The following MEI4 variants were observed in gnomAD, a reference collection of about 807,000 sequenced individuals.
MEI4 encodes meiotic double-stranded break formation protein 4.
In MEI4, 27 loss-of-function variants were observed where a neutral mutation model predicts 31.4. The ratio of observed to expected loss-of-function variants is 0.86; its 90% CI spans 0.63 to 1.19. MEI4 has a LOEUF of 1.19. MEI4 is among the 50% of genes most tolerant of loss of function. MEI4 has a pLI of 0.00. For synonymous variants in MEI4, 122 were observed against 145.4 expected, an observed-to-expected ratio of 0.84 and a Z score of 1.16; for missense variants, 329 against 398.9, an observed-to-expected ratio of 0.82 and a Z score of 1.49.
In MEI4 at chr6:77,922,815, C is replaced by G. The variant is rs376766954; in HGVS notation, c.901-274C>G. Among the ~76,000 whole-genome samples, 5 of 151,668 alleles carry G rather than the reference C, an allele frequency of 3.3e-5. No individual in the cohort carries two copies. The East Asian group carries it at 7.8e-4, about 24-fold the overall frequency. ...CTGTTAAGACCCCTTGCCAAGTATT[C>G]TCAGATTCATTTGAGTATTCTCTGC... On this transcript the variant is annotated intron_variant, in intron 4 of 4. Coordinates refer to ENST00000684080, the MANE Select transcript of MEI4 (RefSeq NM_001322247.2).
intron 1 of MEI4, among the ~76,000 whole-genome samples, chr6:77,661,815 A>T (rs1768515940): frequency 6.6e-6 from 1 of 151,826 alleles, no homozygotes; most frequent in Non-Finnish European, 1.5e-5. Context: ...GAAGTTTCAG[A>T]GGGGGAGTAG....
intron 2 of MEI4, among the ~76,000 whole-genome samples, chr6:77,699,047 C>T (rs1018819848): frequency 4.6e-5 from 7 of 152,076 alleles, no homozygotes; most frequent in Non-Finnish European, 1.0e-4. Context: ...CCCTTTCTTC[C>T]AGTTGATCGC....
intron 3 of MEI4, among the ~76,000 whole-genome samples, chr6:77,803,111 A>G (rs568736413): frequency 4.1e-4 from 63 of 152,282 alleles, no homozygotes; most frequent in African/African-American, 1.5e-3. Context: ...AGGTACACCA[A>G]TCAGTTGTAG....
intron 3 of MEI4, among the ~76,000 whole-genome samples, chr6:77,824,432 A>G (rs1052919973): frequency 2.0e-5 from 3 of 152,188 alleles, no homozygotes; most frequent in African/African-American, 4.8e-5. Context: ...TCTTTAAAGT[A>G]TGGGTCCCTA....
chr6:77,774,905 G>T (rs1390254220), intron 3 of MEI4, among the ~76,000 whole-genome samples: 1 of 152,014 alleles, frequency 6.6e-6, no homozygotes, highest in Non-Finnish European at 1.5e-5. Flanking sequence ...CTGAGGCCAG[G>T]ATTCTTAAAT....
rs750320051 is a variant in MEI4, at chr6:77,855,514, A to C, written c.900+26452A>C. ...TAGTGCCTTAATGAGTATGCTTGGAAGATTATTAAAATAGACAAAGTAAAA... is the reference window on the plus strand; with the variant it reads ...TAGTGCCTTAATGAGTATGCTTGGACGATTATTAAAATAGACAAAGTAAAA... On this transcript the variant is annotated intron_variant, in intron 4 of 4. Coordinates refer to ENST00000684080, the MANE Select transcript of MEI4 (RefSeq NM_001322247.2). 5.1e-4 allele frequency among the ~76,000 whole-genome samples: 77 copies of C among 152,206 alleles called. 1 individual carries two copies. Among genetic ancestry groups the C allele is most frequent in the Non-Finnish European group, 9.3e-4 (63 of 68,030 alleles).
chr6:77,671,959 A>G (rs545846294), intron 1 of MEI4, among the ~76,000 whole-genome samples: 4 of 152,302 alleles, frequency 2.6e-5, no homozygotes, highest in African/African-American at 9.6e-5. Flanking sequence ...TGTGAAGTTA[A>G]GATTACTGGG....
intron 3 of MEI4, among the ~76,000 whole-genome samples, chr6:77,821,035 T>A (rs1000683474): frequency 1.3e-5 from 2 of 152,122 alleles, no homozygotes; most frequent in Non-Finnish European, 2.9e-5. Context: ...TATGGATGAT[T>A]TCTCTATGTA....
chr6:77,785,199 G>T (rs1024634906), intron 3 of MEI4, among the ~76,000 whole-genome samples: 1 of 152,108 alleles, frequency 6.6e-6, no homozygotes, highest in Non-Finnish European at 1.5e-5. Context: ...AGGATAAAAT[G>T]ATGTTTTTGG....
intron 2 of MEI4, among the ~76,000 whole-genome samples, chr6:77,737,613 A>C (rs1278333621): frequency 6.6e-6 from 1 of 152,228 alleles, no homozygotes; most frequent in Admixed American, 6.5e-5. Flanking sequence ...AGGAAGGGAC[A>C]TTTAAAGAGA....
intron 4 of MEI4, among the ~76,000 whole-genome samples, chr6:77,864,253 G>A (rs548491082): frequency 2.0e-5 from 3 of 152,238 alleles, no homozygotes; most frequent in South Asian, 4.1e-4. Flanking sequence ...ATGTAAATGG[G>A]CTAAATGCTC....
Position 77,744,174 on chromosome 6 carries a change from C to G in MEI4, c.233-16956C>G, listed in dbSNP as rs1296432226. On this transcript the variant is annotated intron_variant, in intron 2 of 4. Coordinates refer to ENST00000684080, the MANE Select transcript of MEI4 (RefSeq NM_001322247.2). ...CTTCAGACGATCAAACTACTCCGAG[C>G]TACAGGAGGAAATTCAAACCAAAGG... 5.9e-5 allele frequency among the ~76,000 whole-genome samples: 9 copies of G among 152,160 alleles called. No homozygotes were observed. In the East Asian group the frequency reaches 1.5e-3, roughly 26 times the overall value.
At chr6:77,742,498 T>G (rs1479084415) in intron 2 of MEI4, among the ~76,000 whole-genome samples, 1 of 152,224 alleles carries the variant, frequency 6.6e-6, no homozygotes, top group Non-Finnish European at 1.5e-5. Context: ...TTATTTGAGT[T>G]CATTGTAGAT....
At chr6:77,669,705 T>G (rs1447931936) in intron 1 of MEI4, among the ~76,000 whole-genome samples, 1 of 152,222 alleles carries the variant, frequency 6.6e-6, no homozygotes, top group East Asian at 1.9e-4. Context: ...ATAGCTAAAC[T>G]TTGCAAGTTC....
At position 77,761,768 on chromosome 6, in the gene MEI4, A is replaced by G. The variant is rs375954020; in HGVS notation, c.768+103A>G. ...GTCCCTTAGCCTTGTGGCTCAAGGA[A>G]TCCCTTATTGGGTCTTTTTCTGCAG... is the stretch of plus-strand genomic sequence containing the variant. On this transcript the variant is annotated intron_variant, in intron 3 of 4. Coordinates refer to ENST00000684080, the MANE Select transcript of MEI4 (RefSeq NM_001322247.2). 3.7e-4 allele frequency: 286 copies of G among 763,398 alleles called. 1 individual carries two copies. The African/African-American group carries it at 4.1e-3, about 11-fold the overall frequency. 47.3% of individuals were successfully genotyped at this position (763,398 alleles called of 1,614,324 possible).
chr6:77,916,798 TA>T, intron 4 of MEI4, among the ~76,000 whole-genome samples: 1 of 151,894 alleles, frequency 6.6e-6, no homozygotes, highest in East Asian at 1.9e-4. Context: ...CTTTAAGTTT[TA>T]GGGTACATGT....
chr6:77,804,877 T>A (rs1013115418), intron 3 of MEI4, among the ~76,000 whole-genome samples: 6 of 152,230 alleles, frequency 3.9e-5, no homozygotes, highest in Admixed American at 6.5e-5. Context: ...TAATAGAGTT[T>A]TAGTCACATG....
chr6:77,759,168 C>A (rs74399489), intron 2 of MEI4, among the ~76,000 whole-genome samples: 2,162 of 152,214 alleles, frequency 0.014, 55 homozygotes, highest in African/African-American at 0.049. Flanking sequence ...TGTAACTCTT[C>A]TTGAAACTGT....
At chr6:77,656,232 C>G (rs1226633867) in intron 1 of MEI4, among the ~76,000 whole-genome samples, 1 of 152,078 alleles carries the variant, frequency 6.6e-6, no homozygotes, top group African/African-American at 2.4e-5. Flanking sequence ...ATATGGCTTT[C>G]TTAATCTTTA....
Sources: allele counts gnomAD v4.1 joint callset (sites outside exome capture counted in the v4.1 genomes callset), GRCh38; gene constraint gnomAD v4.1.1; transcripts MANE v1.5; gene names NCBI Gene and HGNC (gene_info 2026-07-23, HGNC 2026-07-21).